The following NMBR variants were observed in gnomAD, a reference collection of about 807,000 sequenced individuals.
The protein encoded by NMBR is neuromedin-B receptor.
Under a neutral mutation model 20.5 loss-of-function variants are expected in NMBR, and 16 were observed. That is an observed-to-expected ratio of 0.78 (90% CI 0.53 to 1.19). The LOEUF is 1.19. NMBR is among the 50% of genes most tolerant of loss of function. NMBR has a pLI of 0.00. For synonymous variants in NMBR, 212 were observed against 196.6 expected, an observed-to-expected ratio of 1.08 and a Z score of -0.65; for missense variants, 582 against 499.1, an observed-to-expected ratio of 1.17 and a Z score of -1.58.
intron 2 of NMBR, among the ~76,000 whole-genome samples, chr6:142,081,301 C>A (rs762623848): frequency 4.6e-5 from 7 of 152,064 alleles, no homozygotes; most frequent in Non-Finnish European, 1.0e-4. Context: ...AACATTATAT[C>A]ATAGCATGCA....
At chr6:142,122,715 C>T (rs545093584) in intron 1 of NMBR, among the ~76,000 whole-genome samples, 163 of 151,998 alleles carry the variant, frequency 1.1e-3, no homozygotes, top group African/African-American at 3.9e-3. Flanking sequence ...AAGAATTATG[C>T]TAAATCTACT....
intron 1 of NMBR, among the ~76,000 whole-genome samples, chr6:142,100,950 AAG>A (rs1325241724): frequency 6.6e-6 from 1 of 152,224 alleles, no homozygotes; most frequent in Non-Finnish European, 1.5e-5. Context: ...TGTCTGTTAA[AAG>A]AGAATTATTA....
intron 1 of NMBR, among the ~76,000 whole-genome samples, chr6:142,128,975 A>C (rs1778090626): frequency 1.3e-5 from 1 of 77,824 alleles, no homozygotes; most frequent in African/African-American, 3.4e-5. Context: ...CAAACTATTA[A>C]ATTAGACCAG....
Position 142,075,071 on chromosome 6 carries a change from C to CGT in NMBR, c.*575_*576dup, listed in dbSNP as rs1292887128. ...TTTCTTATTTTCTTAAAATGAAGGA[C>CGT]GTGTGTGTGTGTACATATATACATA... On this transcript the variant is annotated 3_prime_UTR_variant, in exon 4 of 4. Transcript: ENST00000258042. Among the ~76,000 whole-genome samples the CGT allele has an allele frequency of 2.7e-5, 4 of 147,422 alleles. No homozygotes were observed. Among genetic ancestry groups the CGT allele is most frequent in the South Asian group, 2.1e-4 (1 of 4,690 alleles).
intron 1 of NMBR, among the ~76,000 whole-genome samples, chr6:142,098,717 G>C (rs547995510): frequency 6.6e-6 from 1 of 152,102 alleles, no homozygotes; most frequent in Non-Finnish European, 1.5e-5. Context: ...GAAAACTCAA[G>C]TTTTCCTTGT....
chr6:142,100,680 C>T (rs1419120211), intron 1 of NMBR, among the ~76,000 whole-genome samples: 1 of 152,138 alleles, frequency 6.6e-6, no homozygotes, highest in African/African-American at 2.4e-5. Context: ...GAAAATTGAA[C>T]TCTAATGTAA....
chr6:142,137,331 T>G (rs1447418218), intron 1 of NMBR, among the ~76,000 whole-genome samples: 7 of 152,170 alleles, frequency 4.6e-5, no homozygotes, highest in African/African-American at 1.7e-4. Context: ...CTTGTGATTT[T>G]TGTACATTGA....
chr6:142,132,779 G>C (rs1437345590), intron 1 of NMBR, among the ~76,000 whole-genome samples: 1 of 152,126 alleles, frequency 6.6e-6, no homozygotes, highest in East Asian at 1.9e-4. Context: ...CACTAATTTA[G>C]ATACAGTCCA....
Position 142,089,161 on chromosome 6 carries a change from TC to T in NMBR, c.-504del, listed in dbSNP as rs1447818820. ...ACAGCTTTGCTCTTGTTTGTGAAGT[TC>T]CTGTTGTATTGTGTGGAACTGGAGG... On this transcript the variant is annotated 5_prime_UTR_variant, in exon 2 of 4. An upstream open reading frame in the 5' UTR gains an earlier in-frame stop. Coordinates refer to ENST00000258042, the MANE Select transcript of NMBR (RefSeq NM_002511.4). 6.1e-6 allele frequency: 1 copy of T among 164,584 alleles called. No individual in the cohort carries two copies. Among genetic ancestry groups the T allele is most frequent in the Non-Finnish European group, 1.3e-5 (1 of 74,198 alleles). 10.2% of individuals were successfully genotyped at this position (164,584 alleles called of 1,614,324 possible).
In NMBR at chr6:142,147,023, AACAAAAACCCTTCCTCCT is replaced by A. The variant is rs1226922900; in HGVS notation, c.-664+3_-664+20del. The stretch of plus-strand genomic sequence containing the variant: ...CAAACCAAACAAAAAAGCAAAACAA[AACAAAAACCCTTCCTCCT>A]ACCAGCAGAGAGCGCTAGCGCCATG... On this transcript the variant is annotated splice_donor_5th_base_variant and intron_variant, in intron 1 of 3. Transcript: ENST00000258042. The A allele has an allele frequency of 9.0e-6, 4 of 444,682 alleles. No individual in the cohort carries two copies. The highest frequency in any genetic ancestry group is 1.2e-5 in the Non-Finnish European group (3 of 245,144). 27.5% of individuals were successfully genotyped at this position (444,682 alleles called of 1,614,324 possible). A position where few individuals can be genotyped will look rare whatever the true frequency, so the allele number is the denominator to read the frequency against.
intron 1 of NMBR, among the ~76,000 whole-genome samples, chr6:142,094,342 G>A (rs1485947459): frequency 6.6e-6 from 1 of 152,102 alleles, no homozygotes; most frequent in African/African-American, 2.4e-5. Flanking sequence ...TTGTAAGGAA[G>A]GGATCCAGTT....
chr6:142,078,293 C>A (rs904983588), intron 3 of NMBR, among the ~76,000 whole-genome samples: 2 of 152,166 alleles, frequency 1.3e-5, no homozygotes, highest in Non-Finnish European at 2.9e-5. Context: ...TAAAACAGGC[C>A]TTTCAATACA....
chr6:142,140,014 G>A (rs559261340), intron 1 of NMBR, among the ~76,000 whole-genome samples: 3 of 152,108 alleles, frequency 2.0e-5, no homozygotes, highest in South Asian at 4.1e-4. Context: ...ACAAGAAGTG[G>A]GATGCTACAT....
intron 1 of NMBR, among the ~76,000 whole-genome samples, chr6:142,120,917 TC>T (rs1777935100): frequency 6.6e-6 from 1 of 151,986 alleles, no homozygotes; most frequent in Non-Finnish European, 1.5e-5. Flanking sequence ...CATTTTATTG[TC>T]CTTTGCAGAT....
intron 1 of NMBR, chr6:142,133,995 T>G: frequency 1.4e-6 from 1 of 702,368 alleles, no homozygotes; most frequent in Non-Finnish European, 2.6e-6. Flanking sequence ...GAAGTAAACC[T>G]CTTCTGTTAC....
intron 1 of NMBR, among the ~76,000 whole-genome samples, chr6:142,110,714 T>C (rs1340878180): frequency 6.6e-6 from 1 of 152,088 alleles, no homozygotes; most frequent in African/African-American, 2.4e-5. Context: ...AATGGGTAAA[T>C]GGCATGTGAT....
At position 142,078,688 on chromosome 6, in the gene NMBR, G is replaced by A. The variant is rs1777007330; in HGVS notation, c.638C>T (p.Ser213Leu). The change falls in exon 3 of 4, where the codon TCA becomes TTA. Residue 213 changes from serine to leucine, a missense_variant. Coordinates refer to ENST00000258042, the MANE Select transcript of NMBR (RefSeq NM_002511.4). The part of the protein sequence containing the change: ...QTDELHPKIH[S>L]VLIFLVYFLI... ...GAAATAGACCAAGAAAATGAGCACTGAATGAATCTTTGGATGTAATTCATC... is the reference window on the plus strand; with the variant it reads ...GAAATAGACCAAGAAAATGAGCACTAAATGAATCTTTGGATGTAATTCATC... 1 of 1,613,808 alleles carries A rather than the reference G, an allele frequency of 6.2e-7. No individual in the cohort carries two copies. The highest frequency in any genetic ancestry group is 8.5e-7 in the Non-Finnish European group (1 of 1,179,744).
intron 2 of NMBR, 101 bp from the exon 3 acceptor site, chr6:142,079,004 G>A (rs1777022957): frequency 1.5e-6 from 1 of 652,998 alleles, no homozygotes; most frequent in Non-Finnish European, 2.4e-6. Context: ...GAGAGAGAGA[G>A]AAAGGAAGAA....
rs187585896 is a variant in NMBR, at chr6:142,089,921, A to C, written c.-663-600T>G. On this transcript the variant is annotated intron_variant, in intron 1 of 3. Coordinates refer to ENST00000258042, the MANE Select transcript of NMBR (RefSeq NM_002511.4). Reference sequence around the variant, plus strand: ...CAGGTCATAGTACTTGAGTATGTTCAGCTTTACTGGAAACTGACAATTTTT... The same window carrying C: ...CAGGTCATAGTACTTGAGTATGTTCCGCTTTACTGGAAACTGACAATTTTT... Among the ~76,000 whole-genome samples, 259 of 152,332 alleles carry C rather than the reference A, an allele frequency of 1.7e-3. 3 individuals carry two copies. Among genetic ancestry groups the C allele is most frequent in the African/African-American group, 6.0e-3 (250 of 41,584 alleles).
Sources: gnomAD v4.1 joint callset for allele counts (sites outside exome capture counted in the v4.1 genomes callset) on GRCh38, gnomAD v4.1.1 for gene constraint, MANE v1.5 for transcripts, NCBI Gene and HGNC (gene_info 2026-07-23, HGNC 2026-07-21) for gene names.